ANP32B: variants seen among roughly 807,000 people sequenced by gnomAD.
ANP32B encodes acidic leucine-rich nuclear phosphoprotein 32 family member B.
A neutral mutation model predicts 32.2 loss-of-function variants in ANP32B; 6 were observed. The observed-to-expected ratio is 0.19, with a 90% CI of 0.10 to 0.37. The LOEUF (loss-of-function observed/expected upper bound fraction) is 0.37, where lower values mean the gene tolerates loss of function less well. Ranked by LOEUF, ANP32B falls within the 10% of genes least tolerant of loss-of-function variation. ANP32B has a pLI of 1.00. For missense variants in ANP32B, 204 were observed against 289.2 expected (o/e 0.71, Z 2.14); for synonymous variants, 98 against 105.8 (o/e 0.93, Z 0.45).
intron 2 of ANP32B, among the ~76,000 whole-genome samples, chr9:97,995,324 G>T (rs565924155): frequency 6.6e-6 from 1 of 152,276 alleles, no homozygotes; most frequent in Admixed American, 6.5e-5. Flanking sequence ...CACAGAAGTG[G>T]TTAGTACTAG....
intron 1 of ANP32B, among the ~76,000 whole-genome samples, chr9:97,990,788 T>C (rs1053952008): frequency 1.4e-4 from 21 of 151,286 alleles, no homozygotes; most frequent in African/African-American, 4.6e-4. Flanking sequence ...ATTTTTAATA[T>C]GCACTTTTAC....
intron 3 of ANP32B, among the ~76,000 whole-genome samples, chr9:98,003,594 T>C (rs560926178): frequency 6.6e-6 from 1 of 152,254 alleles, no homozygotes; most frequent in Non-Finnish European, 1.5e-5. Flanking sequence ...TTTCACACCA[T>C]TTTATATCTC....
rs1435507352 is a variant in ANP32B at position 97,993,112 on chromosome 9, A to C, written c.55-1519A>C. Among the ~76,000 whole-genome samples the C allele has an allele frequency of 2.6e-5, 4 of 152,206 alleles. No homozygotes were observed. In the East Asian group the frequency reaches 7.7e-4, roughly 29 times the overall value. On this transcript the variant is annotated intron_variant, in intron 1 of 6. Transcript: ENST00000339399. Reference sequence around the variant, plus strand: ...AGAATGGCAGAGATACCTAAAGAAAAGTGGAAGGAAGGAAGAAGTAAGTGG... The same window carrying C: ...AGAATGGCAGAGATACCTAAAGAAACGTGGAAGGAAGGAAGAAGTAAGTGG...
chr9:97,985,102 GCGC>G (rs1827693099), intron 1 of ANP32B, among the ~76,000 whole-genome samples: 1 of 150,948 alleles, frequency 6.6e-6, no homozygotes, highest in Non-Finnish European at 1.5e-5. Context: ...GGGCCAGTTA[GCGC>G]CGCGGCCGGG....
At chr9:98,010,905 C>T (rs1483313206) in intron 4 of ANP32B, among the ~76,000 whole-genome samples, 1 of 151,742 alleles carries the variant, frequency 6.6e-6, no homozygotes, top group Non-Finnish European at 1.5e-5. Context: ...AAAATAATAG[C>T]AAAATGAACC....
At position 98,015,234 on chromosome 9, in the gene ANP32B, A is replaced by G; in HGVS notation, c.689-130A>G. 3.7e-6 allele frequency: 5 copies of G among 1,361,968 alleles called. No homozygotes were observed. In the South Asian group the frequency reaches 7.6e-5, roughly 21 times the overall value. 84.4% of individuals were successfully genotyped at this position (1,361,968 alleles called of 1,614,324 possible). On this transcript the variant is annotated intron_variant, in intron 6 of 6. Coordinates refer to ENST00000339399, the MANE Select transcript of ANP32B (RefSeq NM_006401.3). ...CTTATACTTGCTATTAGTCACCTAT[A>G]TTAATCTGATCAAGTTTACATTGTT...
chr9:98,005,228 C>T (rs7863829), intron 4 of ANP32B, 75 bp downstream of exon 4: 16,481 of 1,453,322 alleles, frequency 0.011, 160 homozygotes, highest in African/African-American at 0.043. Flanking sequence ...GGATGTTGGC[C>T]GGGCGCAGTG....
intron 1 of ANP32B, among the ~76,000 whole-genome samples, chr9:97,989,480 A>G (rs13297119): frequency 0.012 from 1,828 of 152,302 alleles, 17 homozygotes; most frequent in Middle Eastern, 0.024. Context: ...TAAACTGTCC[A>G]TCTTCAAGCA....
chr9:97,997,683 G>A (rs1827927445), intron 2 of ANP32B, among the ~76,000 whole-genome samples: 3 of 152,228 alleles, frequency 2.0e-5, no homozygotes, highest in Admixed American at 2.0e-4. Context: ...TAAATACTAT[G>A]TAAGGGTTAA....
rs2131594617 is a variant in ANP32B, at chr9:98,015,505, A to G, written c.*74A>G. ...GCTCATGGATTTTGTAGCTGTTTAAAAAAAAAAAAAAGGTAGCTGTGATAC... is the reference window on the plus strand; with the variant it reads ...GCTCATGGATTTTGTAGCTGTTTAAGAAAAAAAAAAAGGTAGCTGTGATAC... On this transcript the variant is annotated 3_prime_UTR_variant, in exon 7 of 7. Coordinates refer to ENST00000339399, the MANE Select transcript of ANP32B (RefSeq NM_006401.3). 1 of 1,447,024 alleles carries G rather than the reference A, an allele frequency of 6.9e-7. No individual in the cohort carries two copies. The highest frequency in any genetic ancestry group is 2.6e-5 in the East Asian group (1 of 39,028). The allele number at this position is 1,447,024 out of a possible 1,614,324, so 89.6% of individuals were successfully genotyped here.
In ANP32B at chr9:98,000,921, C is replaced by CA. The variant is rs543121018; in HGVS notation, c.327+2262dup. Among the ~76,000 whole-genome samples the CA allele has an allele frequency of 8.1e-3, 757 of 93,886 alleles. 6 individuals carry two copies. The highest frequency in any genetic ancestry group is 0.019 in the East Asian group (61 of 3,156). 61.6% of individuals were successfully genotyped at this position (93,886 alleles called of 152,430 possible). A position where few individuals can be genotyped will look rare whatever the true frequency, so the allele number is the denominator to read the frequency against. On this transcript the variant is annotated intron_variant, in intron 3 of 6. Transcript: ENST00000339399. Reference sequence around the variant, plus strand: ...TGGGTGACAGAACAAGACTCCATCTCAAAAAAAAAAAAAAAAAAATTCGAA... The same window carrying CA: ...TGGGTGACAGAACAAGACTCCATCTCAAAAAAAAAAAAAAAAAAAATTCGAA...
intron 1 of ANP32B, among the ~76,000 whole-genome samples, chr9:97,990,814 C>CTTTT (rs34489949): frequency 5.2e-4 from 51 of 98,886 alleles, no homozygotes; most frequent in South Asian, 2.8e-3. Flanking sequence ...ACAGTTGAAC[C>CTTTT]TTTTTTTTTT....
At chr9:98,014,408 A>T (rs1202395733) in intron 6 of ANP32B, among the ~76,000 whole-genome samples, 1 of 144,956 alleles carries the variant, frequency 6.9e-6, no homozygotes, top group African/African-American at 2.6e-5. Flanking sequence ...AGTCTGTCTC[A>T]AAAAAAAAAA....
chr9:98,014,447 T>C (rs1424231921), intron 6 of ANP32B, among the ~76,000 whole-genome samples: 1 of 152,126 alleles, frequency 6.6e-6, no homozygotes, highest in East Asian at 1.9e-4. Flanking sequence ...ATTTAACATA[T>C]AGTTAATTTC....
chr9:97,997,638 A>C (rs1827926942), intron 2 of ANP32B, among the ~76,000 whole-genome samples: 1 of 152,230 alleles, frequency 6.6e-6, no homozygotes, highest in Non-Finnish European at 1.5e-5. Context: ...AGATGAGTTA[A>C]GGTATTTCTA....
chr9:98,014,022 T>C (rs1261791388), intron 6 of ANP32B, among the ~76,000 whole-genome samples: 1 of 152,038 alleles, frequency 6.6e-6, no homozygotes, highest in Admixed American at 6.6e-5. Context: ...AAAAGTCTCA[T>C]GGTTGTGTCT....
chr9:98,010,133 C>T (rs1000548097), intron 4 of ANP32B, among the ~76,000 whole-genome samples: 3 of 151,726 alleles, frequency 2.0e-5, no homozygotes, highest in African/African-American at 7.3e-5. Context: ...TTCCTGAGAG[C>T]AAAGATGGGT....
chr9:98,009,340 C>T (rs1828141199), intron 4 of ANP32B, among the ~76,000 whole-genome samples: 1 of 152,170 alleles, frequency 6.6e-6, no homozygotes, highest in Non-Finnish European at 1.5e-5. Context: ...TTTGTTTATT[C>T]TCAGTCACTC....
Position 97,983,616 on chromosome 9 carries a change from A to T in ANP32B, c.54+7A>T, listed in dbSNP as rs1278840802. ...GAACCGGACCCCGGCAGCTGTAAGC[A>T]GAGACCCCTCTGGGTGCCCTCTCCC... On this transcript the variant is annotated splice_region_variant and intron_variant, in intron 1 of 6. Coordinates refer to ENST00000339399, the MANE Select transcript of ANP32B (RefSeq NM_006401.3). The T allele has an allele frequency of 6.4e-7, 1 of 1,569,658 alleles. No homozygotes were observed.
Sources: gnomAD v4.1 joint callset for allele counts (sites outside exome capture counted in the v4.1 genomes callset) on GRCh38, gnomAD v4.1.1 for gene constraint, MANE v1.5 for transcripts, NCBI Gene and HGNC (gene_info 2026-07-23, HGNC 2026-07-21) for gene names.